The following GASK1A variants were observed in gnomAD, a reference collection of about 807,000 sequenced individuals.
GASK1A encodes golgi associated kinase 1A, also known as Golgi-associated kinase 1A.
A neutral mutation model predicts 41.2 loss-of-function variants in GASK1A; 40 were observed. The ratio of observed to expected loss-of-function variants is 0.97; its 90% CI spans 0.75 to 1.27. GASK1A has a LOEUF of 1.27. GASK1A is among the 50% of genes most tolerant of loss of function. The pLI is 0.00. For missense variants in GASK1A, 678 were observed against 745.1 expected, an observed-to-expected ratio of 0.91 and a Z score of 1.05; for synonymous variants, 316 against 307.1, an observed-to-expected ratio of 1.03 and a Z score of -0.30.
chr3:43,048,013 C>T (rs747031650), intron 2 of GASK1A, among the ~76,000 whole-genome samples: 15 of 152,190 alleles, frequency 9.9e-5, no homozygotes, highest in Non-Finnish European at 8.8e-5. Context: ...ATGAATGTGA[C>T]AGCAAAACCA....
intron 1 of GASK1A, among the ~76,000 whole-genome samples, chr3:42,991,178 T>C (rs2089338740): frequency 6.6e-6 from 1 of 152,078 alleles, no homozygotes. Context: ...TTTTTCTTTC[T>C]TATTTTCAGT....
At chr3:43,025,330 A>C (rs1337798373) in intron 1 of GASK1A, among the ~76,000 whole-genome samples, 1 of 152,180 alleles carries the variant, frequency 6.6e-6, no homozygotes, top group Non-Finnish European at 1.5e-5. Flanking sequence ...GGTGGAATGA[A>C]GGTCAGGCCC....
intron 1 of GASK1A, among the ~76,000 whole-genome samples, chr3:42,981,605 A>G (rs1038496280): frequency 1.6e-4 from 24 of 152,264 alleles, no homozygotes; most frequent in South Asian, 8.3e-4. Flanking sequence ...GCCCAAATCC[A>G]GATGAGACCC....
At chr3:43,003,707 C>T (rs898722496) in intron 1 of GASK1A, among the ~76,000 whole-genome samples, 4 of 151,934 alleles carry the variant, frequency 2.6e-5, no homozygotes, top group African/African-American at 9.7e-5. Context: ...CTGCTATTTA[C>T]GTTTATTTTA....
chr3:42,983,878 G>C (rs1441330631), intron 1 of GASK1A, among the ~76,000 whole-genome samples: 1 of 152,180 alleles, frequency 6.6e-6, no homozygotes, highest in African/African-American at 2.4e-5. Flanking sequence ...CAAAAAACAG[G>C]GATGTCGGGG....
intron 3 of GASK1A, among the ~76,000 whole-genome samples, chr3:43,055,190 T>C (rs1426087038): frequency 3.3e-5 from 5 of 152,192 alleles, no homozygotes; most frequent in African/African-American, 1.2e-4. Context: ...TTCTGTAAAA[T>C]AGGGCTAACA....
chr3:43,053,429 T>C (rs1347139347), intron 2 of GASK1A, 92 bp from the exon 3 acceptor site: 3 of 1,396,488 alleles, frequency 2.1e-6, no homozygotes, highest in African/African-American at 1.5e-5. Context: ...CCCAGGGTCA[T>C]GTAGGAAACA....
At position 43,032,655 on chromosome 3, in the gene GASK1A, G is replaced by T. The variant is rs563902048; in HGVS notation, c.392G>T (p.Ser131Ile). Residue 131 changes from serine to isoleucine, a missense_variant, in exon 2 of 5, where the codon AGT (serine) becomes ATT (isoleucine). Physicochemically the swap from Ser to Ile is moderately radical, Grantham distance 142 (BLOSUM62 -2). Coordinates refer to ENST00000430121, the MANE Select transcript of GASK1A (RefSeq NM_001129908.3). ...DITLSGHPRL[S>I]TQHVVLLRED... ...ACTTTGTCAGGACATCCAAGACTCA[G>T]TACTCAGCATGTTGTGCTCCTGAGG... 2.4e-5 allele frequency: 37 copies of T among 1,551,742 alleles called. No individual in the cohort carries two copies. The East Asian group carries it at 9.0e-4, about 38-fold the overall frequency.
chr3:43,030,395 G>C (rs1382549536), intron 1 of GASK1A, among the ~76,000 whole-genome samples: 1 of 152,184 alleles, frequency 6.6e-6, no homozygotes, highest in Admixed American at 6.5e-5. Flanking sequence ...GAGTACCCAC[G>C]ACCCACAGCT....
rs1441249331 is a variant in GASK1A at position 43,033,500 on chromosome 3, G to C, written c.1237G>C (p.Gly413Arg). Residue 413 changes from glycine (G) to arginine (R), a missense_variant, in exon 2 of 5, where the codon GGC (glycine) becomes CGC (arginine). By Grantham distance (125) the Gly-to-Arg change is moderately radical (BLOSUM62 -2). Coordinates refer to ENST00000430121, the MANE Select transcript of GASK1A (RefSeq NM_001129908.3). ...CTGGCCAGGCCAGGCCCCGTGCCCG[G>C]GCATCCACCATACCGAGTGGGCACG... ...CNWPGQAPCP[G>R]IHHTEWARLA... 12 of 1,549,576 alleles carry C rather than the reference G, an allele frequency of 7.7e-6. No individual in the cohort carries two copies. The highest frequency in any genetic ancestry group is 5.9e-5 in the Admixed American group (3 of 50,940).
intron 2 of GASK1A, among the ~76,000 whole-genome samples, chr3:43,039,959 C>T (rs541624977): frequency 6.6e-5 from 10 of 152,048 alleles, no homozygotes; most frequent in Non-Finnish European, 1.5e-4. Flanking sequence ...ATAATATTTC[C>T]CTTAGATTCA....
chr3:43,023,722 G>T (rs2089532728), intron 1 of GASK1A, among the ~76,000 whole-genome samples: 1 of 152,178 alleles, frequency 6.6e-6, no homozygotes. Flanking sequence ...AAAATCATCA[G>T]ATAAATGTAT....
At chr3:42,979,936 A>G (rs2089274193) in intron 1 of GASK1A, among the ~76,000 whole-genome samples, 1 of 152,246 alleles carries the variant, frequency 6.6e-6, no homozygotes, top group South Asian at 2.1e-4. Flanking sequence ...TGCAATCTTC[A>G]TGCAATCCAC....
At position 43,032,574 on chromosome 3, in the gene GASK1A, G is replaced by A; in HGVS notation, c.311G>A (p.Ser104Asn). The A allele has an allele frequency of 1.3e-6, 2 of 1,551,302 alleles. No homozygotes were observed. The highest frequency in any genetic ancestry group is 8.7e-7 in the Non-Finnish European group (1 of 1,146,618). The stretch of plus-strand genomic sequence containing the variant: ...GGCCATAGAGCAAGAGTGGACAGAA[G>A]CAGGGAGTCCCCAGGAGGGGACCTC... ...EQGHRARVDRSRESPGGDLRH... is the reference protein window; with the variant it reads ...EQGHRARVDRNRESPGGDLRH... The change falls in exon 2 of 5, where the codon AGC (serine) becomes AAC (asparagine). Residue 104 changes from serine to asparagine, a missense_variant. Physicochemically the swap from Ser to Asn is conservative, Grantham distance 46 (BLOSUM62 1). Transcript: ENST00000430121.
At chr3:43,011,122 G>A (rs935157979) in intron 1 of GASK1A, among the ~76,000 whole-genome samples, 4 of 152,286 alleles carry the variant, frequency 2.6e-5, no homozygotes, top group African/African-American at 4.8e-5. Flanking sequence ...GGTGACTCAC[G>A]CCTGTAATCC....
chr3:42,996,128 C>T (rs966658287), intron 1 of GASK1A, among the ~76,000 whole-genome samples: 3 of 152,232 alleles, frequency 2.0e-5, no homozygotes, highest in South Asian at 2.1e-4. Flanking sequence ...AACAGGGGGA[C>T]ATAAGAGACA....
At chr3:42,999,279 C>G (rs904918637) in intron 1 of GASK1A, among the ~76,000 whole-genome samples, 1 of 152,212 alleles carries the variant, frequency 6.6e-6, no homozygotes, top group African/African-American at 2.4e-5. Context: ...CACCACTCCT[C>G]CCTGCCAATA....
Position 43,056,234 on chromosome 3 carries a change from A to T in GASK1A, c.1576A>T (p.Lys526Ter). ...ASGCLQNMLL[K>*]SLQMDPVFWE... ...AGGGTGTCTACAGAACATGCTGCTG[A>T]AGTCGCTGCAGATGGACCCAGTGTT... Residue 526 changes from lysine (K) to a stop codon, truncating the protein, a stop_gained, in exon 5 of 5, where the codon AAG (lysine) becomes TAG (stop). Coordinates refer to ENST00000430121, the MANE Select transcript of GASK1A (RefSeq NM_001129908.3). LOFTEE classifies it high-confidence loss of function. The T allele has an allele frequency of 6.4e-7, 1 of 1,551,722 alleles. No individual in the cohort carries two copies. Among genetic ancestry groups the T allele is most frequent in the African/African-American group, 1.4e-5 (1 of 73,180 alleles).
At chr3:43,017,559 A>C (rs2089498782) in intron 1 of GASK1A, among the ~76,000 whole-genome samples, 1 of 132,276 alleles carries the variant, frequency 7.6e-6, no homozygotes, top group African/African-American at 2.9e-5. Context: ...AGTCACAGGA[A>C]GGGAGGAAGG....
Sources: gnomAD v4.1 joint callset for allele counts (sites outside exome capture counted in the v4.1 genomes callset) on GRCh38, gnomAD v4.1.1 for gene constraint, MANE v1.5 for transcripts, NCBI Gene and HGNC (gene_info 2026-07-23, HGNC 2026-07-21) for gene names.